PTPN20: variants seen among roughly 807,000 people sequenced by gnomAD.
The protein encoded by PTPN20 is protein tyrosine phosphatase non-receptor type 20.
PTPN20 carries 9 observed loss-of-function variants against 35.0 expected under a neutral mutation model. The observed-to-expected ratio is 0.26, with a 90% confidence interval of 0.15 to 0.45. The LOEUF is 0.45. Among genes scored for constraint, PTPN20 ranks in the 20% least tolerant of loss-of-function variants. The pLI, the probability that PTPN20 is intolerant of heterozygous loss-of-function variation, is 1.00. For missense variants in PTPN20, 111 were observed against 312.5 expected (o/e 0.36, Z 4.86); for synonymous variants, 32 against 100.2 (o/e 0.32, Z 4.06).
intron 1 of PTPN20, among the ~76,000 whole-genome samples, chr10:46,932,032 TGA>T (rs1333105502): frequency 1.7e-4 from 25 of 147,696 alleles, no homozygotes; most frequent in Non-Finnish European, 1.6e-4. Context: ...TTTAAATAAC[TGA>T]GTTTCCATTG....
At chr10:46,979,965 A>G (rs1338101076) in intron 7 of PTPN20, among the ~76,000 whole-genome samples, 1 of 151,084 alleles carries the variant, frequency 6.6e-6, no homozygotes, top group Non-Finnish European at 1.5e-5. Context: ...AGGATATTAC[A>G]GAGGTTTATT....
intron 7 of PTPN20, among the ~76,000 whole-genome samples, chr10:46,976,398 C>CTTT (rs1198403320): frequency 1.6e-4 from 11 of 69,666 alleles, no homozygotes; most frequent in African/African-American, 4.7e-4. Flanking sequence ...TCAAGCTCTA[C>CTTT]TTTTTTTTTT....
At chr10:46,996,764 C>A (rs1372322402) in intron 9 of PTPN20, among the ~76,000 whole-genome samples, 1 of 151,968 alleles carries the variant, frequency 6.6e-6, no homozygotes, top group African/African-American at 2.4e-5. Flanking sequence ...TATTGTTGTA[C>A]CTTTGTCAAA....
chr10:46,959,993 G>GA (rs1379820705), intron 5 of PTPN20, among the ~76,000 whole-genome samples: 1 of 60,864 alleles, frequency 1.6e-5, no homozygotes, highest in Non-Finnish European at 2.9e-5. Flanking sequence ...ATGTAGAAAA[G>GA]AAAAAGTGAA....
chr10:46,929,413 C>T (rs1251214002), intron 1 of PTPN20, among the ~76,000 whole-genome samples: 9 of 151,188 alleles, frequency 6.0e-5, no homozygotes, highest in East Asian at 3.9e-4. Context: ...CTTTATCTTA[C>T]GAACCTGACC....
At chr10:46,950,269 A>ATATC (rs1555144939) in intron 5 of PTPN20, among the ~76,000 whole-genome samples, 1 of 151,306 alleles carries the variant, frequency 6.6e-6, no homozygotes, top group Non-Finnish European at 1.5e-5. Flanking sequence ...AACAACTCAG[A>ATATC]TATCTGTCAA....
At chr10:46,951,111 A>T (rs1555145721) in intron 5 of PTPN20, among the ~76,000 whole-genome samples, 1 of 151,812 alleles carries the variant, frequency 6.6e-6, no homozygotes, top group Non-Finnish European at 1.5e-5. Flanking sequence ...TTATATTTTA[A>T]TGGGCAATAC....
chr10:46,983,131 C>G (rs1555171833), intron 7 of PTPN20, among the ~76,000 whole-genome samples: 1 of 142,006 alleles, frequency 7.0e-6, no homozygotes, highest in Non-Finnish European at 1.5e-5. Context: ...GGCTGAAGTA[C>G]AGTGGCGCGG....
At chr10:46,999,567 A>G (rs2059743127) in intron 9 of PTPN20, among the ~76,000 whole-genome samples, 1 of 152,192 alleles carries the variant, frequency 6.6e-6, no homozygotes, top group South Asian at 2.1e-4. Context: ...AGAAACAGAT[A>G]TGCTATTGTT....
chr10:46,963,665 TCCTA>T (rs1185957763), intron 5 of PTPN20, among the ~76,000 whole-genome samples: 4 of 95,786 alleles, frequency 4.2e-5, no homozygotes, highest in Non-Finnish European at 5.7e-5. Flanking sequence ...GGCGCAAATC[TCCTA>T]CCTATTTCTG....
intron 3 of PTPN20, among the ~76,000 whole-genome samples, chr10:46,941,790 AAG>A (rs1395317735): frequency 1.4e-5 from 2 of 141,238 alleles, no homozygotes; most frequent in Non-Finnish European, 3.1e-5. Context: ...TTTCATAAAA[AAG>A]GATCTTAGAA....
intron 5 of PTPN20, among the ~76,000 whole-genome samples, chr10:46,952,975 G>T (rs2134853552): frequency 6.9e-6 from 1 of 145,586 alleles, no homozygotes; most frequent in Non-Finnish European, 1.5e-5. Context: ...CCTGACGGAA[G>T]CATTCCTCAC....
At chr10:46,995,560 A>G (rs1325729096) in intron 9 of PTPN20, among the ~76,000 whole-genome samples, 1 of 152,024 alleles carries the variant, frequency 6.6e-6, no homozygotes, top group African/African-American at 2.4e-5. Context: ...GGTGCTACTA[A>G]ACAACCACTC....
At chr10:46,953,335 T>TTTTTTCTTTC (rs1555148524) in intron 5 of PTPN20, among the ~76,000 whole-genome samples, 2 of 113,408 alleles carry the variant, frequency 1.8e-5, no homozygotes, top group Admixed American at 9.2e-5. Context: ...CTTTCATTTC[T>TTTTTTCTTTC]TTTCTTTCTT....
chr10:46,919,251 A>G (rs1341858720), intron 1 of PTPN20, among the ~76,000 whole-genome samples: 2 of 152,188 alleles, frequency 1.3e-5, no homozygotes, highest in Non-Finnish European at 2.9e-5. Context: ...CTGACTTTTA[A>G]TTTGGATGGC....
At chr10:46,982,978 A>G (rs1223450563) in intron 7 of PTPN20, among the ~76,000 whole-genome samples, 3 of 151,574 alleles carry the variant, frequency 2.0e-5, no homozygotes, top group South Asian at 2.1e-4. Flanking sequence ...TTAAGGTGTT[A>G]TCATCTTTTA....
At position 46,948,065 on chromosome 10, in the gene PTPN20, A is replaced by C. The variant is rs1163745111; in HGVS notation, c.340+1390A>C. On this transcript the variant is annotated intron_variant, in intron 5 of 10. Coordinates refer to ENST00000374339, the MANE Select transcript of PTPN20 (RefSeq NM_001042357.5). ...TTGCTTTTTACTTTTCTTTTCTCCT[A>C]CTCTTCTTACTCTTTGTATTTCAGT... 494 of 388,522 alleles carry C rather than the reference A, an allele frequency of 1.3e-3. 1 individual carries two copies. The highest frequency in any genetic ancestry group is 9.9e-3 in the African/African-American group (464 of 46,840). The allele number at this position is 388,522 out of a possible 1,614,324, so 24.1% of individuals were successfully genotyped here. A position where few individuals can be genotyped will look rare whatever the true frequency, so the allele number is the denominator to read the frequency against.
intron 2 of PTPN20, among the ~76,000 whole-genome samples, chr10:46,936,073 A>C (rs1555125688): frequency 6.6e-6 from 1 of 152,156 alleles, no homozygotes; most frequent in African/African-American, 2.4e-5. Flanking sequence ...GCATTTTTTC[A>C]TATGCTTCTT....
chr10:46,999,545 G>A (rs1351965838), intron 9 of PTPN20, among the ~76,000 whole-genome samples: 4 of 152,154 alleles, frequency 2.6e-5, no homozygotes, highest in Non-Finnish European at 4.4e-5. Context: ...AGTTGACAGG[G>A]ATCTTCATAT....
Sources: allele counts gnomAD v4.1 joint callset (sites outside exome capture counted in the v4.1 genomes callset), GRCh38; gene constraint gnomAD v4.1.1; transcripts MANE v1.5; gene names NCBI Gene and HGNC (gene_info 2026-07-23, HGNC 2026-07-21).